Variants in CFAP58 observed in about 807,000 individuals in gnomAD.
The protein encoded by CFAP58 is cilia and flagella associated protein 58.
A neutral mutation model predicts 119.5 loss-of-function variants in CFAP58; 88 were observed. The ratio of observed to expected loss-of-function variants is 0.74; its 90% CI spans 0.62 to 0.88. CFAP58 has a LOEUF of 0.88. Ranked by LOEUF, CFAP58 falls within the 40% of genes least tolerant of loss-of-function variation. The pLI is 0.00. For missense variants in CFAP58, 990 were observed against 1,021.2 expected, an observed-to-expected ratio of 0.97 and a Z score of 0.42; for synonymous variants, 365 against 366.3, an observed-to-expected ratio of 1.00 and a Z score of 0.04.
At chr10:104,344,304 C>T in the CFAP58 span, among the ~76,000 whole-genome samples, 1 of 152,228 alleles carries the variant, frequency 6.6e-6, no homozygotes, top group African/African-American at 2.4e-5. Flanking sequence ...TTCATTCATC[C>T]ATCCATTCAT....
intron 10 of CFAP58, 116 bp from the exon 11 acceptor site, chr10:104,393,213 C>A: frequency 4.3e-6 from 4 of 935,546 alleles, no homozygotes; most frequent in Non-Finnish European, 6.5e-6. Context: ...TGTAATTGAT[C>A]AAGAGACCAT....
chr10:104,409,398 T>C (rs2012422683), intron 15 of CFAP58, among the ~76,000 whole-genome samples: 1 of 152,208 alleles, frequency 6.6e-6, no homozygotes, highest in Non-Finnish European at 1.5e-5. Flanking sequence ...TGAACTTGAT[T>C]TGTGACCAAC....
chr10:104,430,086 G>A (rs1293823950), intron 15 of CFAP58, among the ~76,000 whole-genome samples: 2 of 152,134 alleles, frequency 1.3e-5, no homozygotes, highest in African/African-American at 4.8e-5. Context: ...AGAATGTGAG[G>A]GTGGCTGCAC....
At chr10:104,436,108 C>T (rs980981602) in intron 15 of CFAP58, among the ~76,000 whole-genome samples, 5 of 152,168 alleles carry the variant, frequency 3.3e-5, no homozygotes, top group African/African-American at 4.8e-5. Context: ...TTCAGGTCCT[C>T]TCTATGATCT....
Position 104,447,802 on chromosome 10 carries a change from G to A in CFAP58, c.2361G>A (p.Lys787=), listed in dbSNP as rs759798814. The change falls in exon 16 of 18, where the codon AAG becomes AAA. Residue 787 remains lysine, a synonymous_variant. Transcript: ENST00000369704. ...TGTACCGACGCACGCTGCATGACAA[G>A]AAGCAGCAGCTGAAAGTAAGTGGTA... The part of the protein sequence containing the change: ...LKLYRRTLHD[K]KQQLKVLSSE... 15 of 1,613,296 alleles carry A rather than the reference G, an allele frequency of 9.3e-6. No individual in the cohort carries two copies. In the South Asian group the frequency reaches 1.2e-4, roughly 13 times the overall value.
intron 14 of CFAP58, among the ~76,000 whole-genome samples, chr10:104,404,640 C>T (rs1013490831): frequency 4.0e-5 from 6 of 151,746 alleles, no homozygotes; most frequent in East Asian, 2.0e-4. Context: ...GATGGAGTCT[C>T]GCTCTGTCAC....
At chr10:104,416,409 C>T (rs183729284) in intron 15 of CFAP58, among the ~76,000 whole-genome samples, 95 of 152,290 alleles carry the variant, frequency 6.2e-4, no homozygotes, top group South Asian at 1.0e-3. Context: ...ATCACTGCTT[C>T]TTTGCTGGCA....
chr10:104,361,635 C>A (rs1564878160), intron 2 of CFAP58, among the ~76,000 whole-genome samples: 2 of 152,150 alleles, frequency 1.3e-5, no homozygotes, highest in Non-Finnish European at 2.9e-5. Flanking sequence ...AGCCTTGTAG[C>A]CACACTCAGC....
intron 12 of CFAP58, 48 bp downstream of exon 12, chr10:104,399,548 G>T (rs538155515): frequency 1.3e-6 from 2 of 1,585,414 alleles, no homozygotes; most frequent in East Asian, 2.3e-5. Context: ...ACAGACACGG[G>T]TATTTAATTC....
intron 15 of CFAP58, among the ~76,000 whole-genome samples, chr10:104,437,927 T>G (rs2012960342): frequency 6.6e-6 from 1 of 152,182 alleles, no homozygotes; most frequent in Admixed American, 6.5e-5. Flanking sequence ...ACTTTATATA[T>G]CTTTCTATAT....
rs537564578 is a variant in CFAP58, at chr10:104,437,382, A to C, written c.2257-10316A>C. 3.3e-5 allele frequency among the ~76,000 whole-genome samples: 5 copies of C among 152,344 alleles called. No homozygotes were observed. In the South Asian group the frequency reaches 1.0e-3, roughly 32 times the overall value. ...AAAAATATTAACAAACGAGCTTGCC[A>C]TTTATGTGACTATTCCTTACTCAGA... On this transcript the variant is annotated intron_variant, in intron 15 of 17. Transcript: ENST00000369704.
intron 17 of CFAP58, among the ~76,000 whole-genome samples, chr10:104,450,418 A>G (rs1270262043): frequency 1.3e-5 from 2 of 152,216 alleles, no homozygotes; most frequent in African/African-American, 2.4e-5. Context: ...ACAGGGATCC[A>G]TTAATATCTG....
intron 7 of CFAP58, 123 bp downstream of exon 7, chr10:104,371,177 TCA>T (rs764183430): frequency 3.3e-6 from 3 of 896,000 alleles, no homozygotes; most frequent in Non-Finnish European, 4.9e-6. Flanking sequence ...AAAACAACAC[TCA>T]CACTGGTAAA....
At chr10:104,433,267 A>C (rs1369178983) in intron 15 of CFAP58, among the ~76,000 whole-genome samples, 12 of 152,174 alleles carry the variant, frequency 7.9e-5, no homozygotes, top group Admixed American at 5.9e-4. Flanking sequence ...CTAATTTTTG[A>C]ATTTTTTGTA....
chr10:104,454,590 G>C lies in CFAP58; in HGVS notation c.*60G>C. The C allele has an allele frequency of 1.6e-6, 2 of 1,274,670 alleles. No individual in the cohort carries two copies. The highest frequency in any genetic ancestry group is 3.5e-5 in the Admixed American group (2 of 57,212). The allele number at this position is 1,274,670 out of a possible 1,614,324, so 79.0% of individuals were successfully genotyped here. On this transcript the variant is annotated 3_prime_UTR_variant, in exon 18 of 18. Coordinates refer to ENST00000369704, the MANE Select transcript of CFAP58 (RefSeq NM_001008723.2). ...CATGAAATCTGCTCTGGGACATTTTGGGGGAATCTCAAAGTCCTTGGATCA... is the reference window on the plus strand; with the variant it reads ...CATGAAATCTGCTCTGGGACATTTTCGGGGAATCTCAAAGTCCTTGGATCA...
chr10:104,387,619 A>T (rs930568193), intron 9 of CFAP58, among the ~76,000 whole-genome samples: 1 of 152,118 alleles, frequency 6.6e-6, no homozygotes, highest in South Asian at 2.1e-4. Flanking sequence ...TCTAAATTTC[A>T]CTATTCAGAT....
At position 104,454,980 on chromosome 10, in the gene CFAP58, A is replaced by T. The variant is rs2013257939; in HGVS notation, c.*450A>T. ...AAGGACAAACTCTTAAGAATTTAAA[A>T]AGTGTTTTGAGAATGATTTCTATAT... On this transcript the variant is annotated 3_prime_UTR_variant, in exon 18 of 18. Transcript: ENST00000369704. 6.6e-6 allele frequency: 1 copy of T among 152,514 alleles called. No homozygotes were observed. Among genetic ancestry groups the T allele is most frequent in the South Asian group, 2.1e-4 (1 of 4,834 alleles). The allele number at this position is 152,514 out of a possible 1,614,324, so 9.4% of individuals were successfully genotyped here. A position where few individuals can be genotyped will look rare whatever the true frequency, so the allele number is the denominator to read the frequency against.
At chr10:104,420,244 A>G (rs923896380) in intron 15 of CFAP58, among the ~76,000 whole-genome samples, 6 of 151,930 alleles carry the variant, frequency 3.9e-5, no homozygotes, top group African/African-American at 1.5e-4. Context: ...ATGCCTTCTC[A>G]TATTCCCTCT....
Position 104,391,943 on chromosome 10 carries a change from G to A in CFAP58, c.1366-290G>A, listed in dbSNP as rs538192920. 3.3e-5 allele frequency among the ~76,000 whole-genome samples: 5 copies of A among 152,110 alleles called. No individual in the cohort carries two copies. The South Asian group carries it at 1.0e-3, about 32-fold the overall frequency. Reference sequence around the variant, plus strand: ...TTTTGGGGGTAGGGTGGTCGGGAGAGGTTTTCAGAATTGAAAGAATTTCTT... The same window carrying A: ...TTTTGGGGGTAGGGTGGTCGGGAGAAGTTTTCAGAATTGAAAGAATTTCTT... On this transcript the variant is annotated intron_variant, in intron 9 of 17. Coordinates refer to ENST00000369704, the MANE Select transcript of CFAP58 (RefSeq NM_001008723.2).
Sources: allele counts gnomAD v4.1 joint callset (sites outside exome capture counted in the v4.1 genomes callset), GRCh38; gene constraint gnomAD v4.1.1; transcripts MANE v1.5; gene names NCBI Gene and HGNC (gene_info 2026-07-23, HGNC 2026-07-21).